The following HS3ST4 variants were observed in gnomAD, a reference collection of about 807,000 sequenced individuals.
HS3ST4 encodes heparan sulfate glucosamine 3-O-sulfotransferase 4.
HS3ST4 carries 17 observed loss-of-function variants against 29.2 expected under a neutral mutation model. The ratio of observed to expected loss-of-function variants is 0.58; its 90% CI spans 0.40 to 0.87. The LOEUF is 0.87. Among genes scored for constraint, HS3ST4 ranks in the 40% least tolerant of loss-of-function variants. The pLI is 0.00. For synonymous variants in HS3ST4, 314 were observed against 285.7 expected, an observed-to-expected ratio of 1.10 and a Z score of -1.00; for missense variants, 627 against 634.5, an observed-to-expected ratio of 0.99 and a Z score of 0.13.
At chr16:26,101,088 G>T (rs993986159) in intron 1 of HS3ST4, among the ~76,000 whole-genome samples, 16 of 152,172 alleles carry the variant, frequency 1.1e-4, no homozygotes, top group African/African-American at 3.9e-4. Flanking sequence ...ACTCCAGTTG[G>T]TGTCTCCAAC....
At chr16:25,841,934 G>T (rs1967417530) in intron 1 of HS3ST4, among the ~76,000 whole-genome samples, 1 of 152,230 alleles carries the variant, frequency 6.6e-6, no homozygotes, top group South Asian at 2.1e-4. Context: ...AGTACAAATT[G>T]TAATGGCCGT....
At chr16:25,710,910 G>C (rs1966411124) in intron 1 of HS3ST4, among the ~76,000 whole-genome samples, 2 of 142,534 alleles carry the variant, frequency 1.4e-5, no homozygotes, top group African/African-American at 5.2e-5. Flanking sequence ...TAGAACTCCT[G>C]GGCTCAAGTG....
chr16:26,074,854 G>C (rs987920451), intron 1 of HS3ST4, among the ~76,000 whole-genome samples: 11 of 152,134 alleles, frequency 7.2e-5, no homozygotes, highest in African/African-American at 2.7e-4. Context: ...TTTTCACTTT[G>C]GGGGGTGCCT....
At chr16:25,903,020 C>CAA (rs768153842) in intron 1 of HS3ST4, among the ~76,000 whole-genome samples, 6,664 of 120,086 alleles carry the variant, frequency 0.055, 186 homozygotes, top group African/African-American at 0.093. Context: ...GACTCTGCCT[C>CAA]AAAAAAAAAA....
intron 1 of HS3ST4, among the ~76,000 whole-genome samples, chr16:26,010,435 C>T (rs1241032303): frequency 6.8e-6 from 1 of 147,384 alleles, no homozygotes; most frequent in East Asian, 2.0e-4. Context: ...GCCTGGGAGA[C>T]AGAGTGAGAC....
chr16:25,981,499 C>T (rs567970035), intron 1 of HS3ST4, among the ~76,000 whole-genome samples: 80 of 152,212 alleles, frequency 5.3e-4, no homozygotes, highest in African/African-American at 1.9e-3. Flanking sequence ...ACGCTTAATA[C>T]ACCTGCCCTC....
At chr16:25,872,283 G>T (rs977478348) in intron 1 of HS3ST4, among the ~76,000 whole-genome samples, 1 of 113,494 alleles carries the variant, frequency 8.8e-6, no homozygotes, top group Non-Finnish European at 2.1e-5. Flanking sequence ...TGTCACACCA[G>T]TGTGTTCACT....
intron 1 of HS3ST4, among the ~76,000 whole-genome samples, chr16:26,121,157 G>A (rs1019261880): frequency 2.0e-5 from 3 of 152,182 alleles, no homozygotes; most frequent in African/African-American, 2.4e-5. Flanking sequence ...AAGTTATTTC[G>A]AGAGAGGATG....
At chr16:26,033,532 GAAAACAAAACAAAAC>G (rs545408446) in intron 1 of HS3ST4, among the ~76,000 whole-genome samples, 1 of 147,210 alleles carries the variant, frequency 6.8e-6, no homozygotes, top group East Asian at 2.0e-4. Flanking sequence ...AAAAAAAAAG[GAAAACAAAACAAAAC>G]AAAACAAAAC....
At chr16:25,842,226 T>C (rs911548425) in intron 1 of HS3ST4, among the ~76,000 whole-genome samples, 5 of 152,232 alleles carry the variant, frequency 3.3e-5, no homozygotes. Context: ...CTTAAATTTT[T>C]GGAATTACAC....
intron 1 of HS3ST4, among the ~76,000 whole-genome samples, chr16:25,828,256 CTT>C (rs1967246422): frequency 1.3e-5 from 1 of 75,214 alleles, no homozygotes; most frequent in Non-Finnish European, 2.6e-5. Flanking sequence ...TTCTTTCTTT[CTT>C]TCTTTCTTTC....
chr16:26,042,536 C>T (rs1339754589), intron 1 of HS3ST4, among the ~76,000 whole-genome samples: 4 of 152,300 alleles, frequency 2.6e-5, no homozygotes, highest in East Asian at 1.9e-4. Context: ...TTGTTGATGG[C>T]GTGGCGATTA....
chr16:25,907,902 G>T (rs947211946), intron 1 of HS3ST4, among the ~76,000 whole-genome samples: 1 of 152,174 alleles, frequency 6.6e-6, no homozygotes, highest in Non-Finnish European at 1.5e-5. Flanking sequence ...TTGGCTTCCT[G>T]GGAAGATAAC....
At chr16:25,932,323 A>G (rs1968472338) in intron 1 of HS3ST4, among the ~76,000 whole-genome samples, 1 of 152,146 alleles carries the variant, frequency 6.6e-6, no homozygotes, top group Non-Finnish European at 1.5e-5. Context: ...ATAAAAAGAA[A>G]TGTTCATCTC....
chr16:26,028,788 C>G (rs72778359), intron 1 of HS3ST4: 6,641 of 152,310 alleles, frequency 0.044, 164 homozygotes, highest in Middle Eastern at 0.15. Flanking sequence ...TGGGCGGAGC[C>G]TAGCTACTCC....
At chr16:26,088,471 A>G (rs1329751883) in intron 1 of HS3ST4, among the ~76,000 whole-genome samples, 1 of 152,030 alleles carries the variant, frequency 6.6e-6, no homozygotes, top group African/African-American at 2.4e-5. Flanking sequence ...TTGTTGTGGT[A>G]ATGTATAGTT....
intron 1 of HS3ST4, among the ~76,000 whole-genome samples, chr16:26,127,350 C>T (rs1020271562): frequency 1.3e-5 from 2 of 152,194 alleles, no homozygotes; most frequent in African/African-American, 4.8e-5. Flanking sequence ...CGATGGCTCA[C>T]GCCAGTACTC....
chr16:25,991,233 T>C (rs886664600), intron 1 of HS3ST4, among the ~76,000 whole-genome samples: 2 of 152,224 alleles, frequency 1.3e-5, no homozygotes, highest in South Asian at 4.1e-4. Flanking sequence ...GGATACTAAA[T>C]AGATATTTTA....
intron 1 of HS3ST4, among the ~76,000 whole-genome samples, chr16:26,088,808 T>C (rs1486263247): frequency 6.6e-6 from 1 of 152,228 alleles, no homozygotes; most frequent in East Asian, 1.9e-4. Flanking sequence ...CATGAGGTCC[T>C]CCTGTGTTCT....
Sources: allele counts gnomAD v4.1 joint callset (sites outside exome capture counted in the v4.1 genomes callset), GRCh38; gene constraint gnomAD v4.1.1; transcripts MANE v1.5; gene names NCBI Gene and HGNC (gene_info 2026-07-23, HGNC 2026-07-21).